The following PIAS1 variants were observed in gnomAD, a reference collection of about 807,000 sequenced individuals.
PIAS1 encodes protein inhibitor of activated STAT 1.
In PIAS1, 6 loss-of-function variants were observed where a neutral mutation model predicts 71.3. The ratio of observed to expected loss-of-function variants is 0.08; its 90% CI spans 0.05 to 0.17. PIAS1 has a LOEUF of 0.17. Ranked by LOEUF, PIAS1 falls within the 10% of genes least tolerant of loss-of-function variation. The pLI, the probability that PIAS1 is intolerant of heterozygous loss-of-function variation, is 1.00. For missense variants in PIAS1, 555 were observed against 793.6 expected (o/e 0.70, Z 3.61); for synonymous variants, 303 against 292.9 (o/e 1.03, Z -0.35).
chr15:68,187,104 TATA>T lies in PIAS1; in HGVS notation c.1663-433_1663-431del, dbSNP rs2093092985. On this transcript the variant is annotated intron_variant, in intron 13 of 13. Transcript: ENST00000249636. The surrounding 1 kb of genome is among the most constrained non-coding windows in gnomAD (Gnocchi z 5.3). Reference sequence around the variant, plus strand: ...TCTAACTTTCAGTGGTGCCTGAGTGTATAATAAGAACAGTGTCTGTTGGTTTCC... The same window carrying T: ...TCTAACTTTCAGTGGTGCCTGAGTGTATAAGAACAGTGTCTGTTGGTTTCC... Among the ~76,000 whole-genome samples the T allele has an allele frequency of 6.6e-6, 1 of 152,218 alleles. No individual in the cohort carries two copies. Among genetic ancestry groups the T allele is most frequent in the African/African-American group, 2.4e-5 (1 of 41,442 alleles).
At chr15:68,078,105 CA>C (rs1400519685) in intron 1 of PIAS1, among the ~76,000 whole-genome samples, 2 of 152,300 alleles carry the variant, frequency 1.3e-5, no homozygotes, top group East Asian at 3.9e-4. Context: ...AAAGAATAAT[CA>C]TCTTTTAGAA....
intron 2 of PIAS1, among the ~76,000 whole-genome samples, chr15:68,137,586 A>G (rs1250452643): frequency 6.6e-6 from 1 of 152,030 alleles, no homozygotes; most frequent in African/African-American, 2.4e-5. Context: ...ATGTTATGAG[A>G]GGAACACGGA....
At position 68,086,444 on chromosome 15, in the gene PIAS1, A is replaced by T; in HGVS notation, c.163A>T (p.Met55Leu). The T allele has an allele frequency of 6.2e-7, 1 of 1,613,962 alleles. No individual in the cohort carries two copies. Among genetic ancestry groups the T allele is most frequent in the Middle Eastern group, 1.6e-4 (1 of 6,062 alleles). Residue 55 changes from methionine to leucine, a missense_variant, in exon 2 of 14, where the codon ATG becomes TTG. By Grantham distance (15) the Met-to-Leu change is conservative. Coordinates refer to ENST00000249636, the MANE Select transcript of PIAS1 (RefSeq NM_016166.3). The surrounding 1 kb of genome is among the most constrained non-coding windows in gnomAD (Gnocchi z 7.2). ...GGCTGGCTGTAGTCCTGCTGTGCAA[A>T]TGAAAATTAAGGAACTCTATAGGCG... ...LKAGCSPAVQ[M>L]KIKELYRRRF...
intron 1 of PIAS1, among the ~76,000 whole-genome samples, chr15:68,073,318 G>A (rs1567028362): frequency 6.6e-6 from 1 of 151,908 alleles, no homozygotes; most frequent in Non-Finnish European, 1.5e-5. Flanking sequence ...TGCCCGGCGA[G>A]GTTATATGTG....
intron 1 of PIAS1, among the ~76,000 whole-genome samples, chr15:68,082,616 A>G (rs773119158): frequency 3.3e-5 from 5 of 152,190 alleles, no homozygotes; most frequent in Non-Finnish European, 7.4e-5. Context: ...ATTTACAGCC[A>G]TAGTAATAAT....
intron 2 of PIAS1, among the ~76,000 whole-genome samples, chr15:68,113,268 T>G (rs1373303457): frequency 6.6e-6 from 1 of 152,134 alleles, no homozygotes; most frequent in Non-Finnish European, 1.5e-5. Context: ...TACCAAAATG[T>G]TTTTCAGCTG....
intron 1 of PIAS1, among the ~76,000 whole-genome samples, chr15:68,078,631 A>G (rs1465445481): frequency 6.6e-6 from 1 of 152,000 alleles, no homozygotes; most frequent in African/African-American, 2.4e-5. Flanking sequence ...TTAGTTATGA[A>G]CTCTGGAATC....
rs142875655 is a variant in PIAS1, at chr15:68,119,621, A to G, written c.470-22325A>G. Among the ~76,000 whole-genome samples the G allele has an allele frequency of 2.7e-4, 41 of 152,298 alleles. 1 individual carries two copies. The East Asian group carries it at 3.3e-3, about 12-fold the overall frequency. Reference sequence around the variant, plus strand: ...CTATCTTGGTAAATGTTCTGTGTGCATTTGAAAAAATACACATTCTGCTGT... The same window carrying G: ...CTATCTTGGTAAATGTTCTGTGTGCGTTTGAAAAAATACACATTCTGCTGT... On this transcript the variant is annotated intron_variant, in intron 2 of 13. Coordinates refer to ENST00000249636, the MANE Select transcript of PIAS1 (RefSeq NM_016166.3).
intron 7 of PIAS1, among the ~76,000 whole-genome samples, chr15:68,157,739 C>G (rs181041308): frequency 4.6e-3 from 704 of 152,106 alleles, no homozygotes; most frequent in Non-Finnish European, 7.4e-3. Flanking sequence ...TTCTACGCAC[C>G]CTTATGGTTT....
At chr15:68,179,064 A>G (rs933502040) in intron 11 of PIAS1, among the ~76,000 whole-genome samples, 1 of 152,264 alleles carries the variant, frequency 6.6e-6, no homozygotes, top group African/African-American at 2.4e-5. Flanking sequence ...TAGAAGGAGA[A>G]TAACACACCA....
intron 4 of PIAS1, among the ~76,000 whole-genome samples, chr15:68,143,385 A>G (rs2092785748): frequency 6.6e-6 from 1 of 152,136 alleles, no homozygotes; most frequent in Non-Finnish European, 1.5e-5. Context: ...GCTTTGAAAT[A>G]ATAAGGTAAA....
intron 13 of PIAS1, 22 bp downstream of exon 13, chr15:68,183,689 ATTATT>A (rs746147940): frequency 1.1e-5 from 10 of 904,066 alleles, no homozygotes; most frequent in Non-Finnish European, 1.7e-5. Context: ...AAAATTTACT[ATTATT>A]TTAATTGTAC....
intron 8 of PIAS1, 60 bp downstream of exon 8, chr15:68,164,864 A>G: frequency 1.1e-6 from 1 of 894,950 alleles, no homozygotes; most frequent in Non-Finnish European, 1.8e-6. Context: ...TCTTTTTATT[A>G]AGTATTTTTA....
In PIAS1 at chr15:68,054,414, G is replaced by C. The variant is rs1007373947; in HGVS notation, c.24+64G>C. The stretch of plus-strand genomic sequence containing the variant: ...CGGAGACGGCGCCGCTGCTGCCAGG[G>C]GGGATGGGTCCGACCCTGGGGGGCC... On this transcript the variant is annotated intron_variant, in intron 1 of 13. Coordinates refer to ENST00000249636, the MANE Select transcript of PIAS1 (RefSeq NM_016166.3). The surrounding 1 kb of genome is among the most constrained non-coding windows in gnomAD (Gnocchi z 4.6). 11 of 1,527,642 alleles carry C rather than the reference G, an allele frequency of 7.2e-6. No individual in the cohort carries two copies. Among genetic ancestry groups the C allele is most frequent in the African/African-American group, 1.4e-5 (1 of 72,254 alleles). 94.6% of individuals were successfully genotyped at this position (1,527,642 alleles called of 1,614,324 possible).
Position 68,178,352 on chromosome 15 carries a change from A to G in PIAS1, c.1481+1698A>G, listed in dbSNP as rs576792535. On this transcript the variant is annotated intron_variant, in intron 11 of 13. Transcript: ENST00000249636. This position sits in a 1 kb window ranked among gnomAD's most constrained non-coding sequence, Gnocchi z 4.2. ...AGTCCATCTTGGCATACAGACAGAA[A>G]CAAAGACATTAAAAACAGTATCATC... 6.6e-6 allele frequency among the ~76,000 whole-genome samples: 1 copy of G among 152,368 alleles called. No homozygotes were observed. The highest frequency in any genetic ancestry group is 6.5e-5 in the Admixed American group (1 of 15,304).
At chr15:68,071,306 G>A (rs2046788) in intron 1 of PIAS1, among the ~76,000 whole-genome samples, 59,346 of 135,756 alleles carry the variant, frequency 0.44, 13,940 homozygotes, top group East Asian at 0.8. Flanking sequence ...TCACTCTGTC[G>A]CCCAGGTTTA....
chr15:68,158,974 G>A (rs564694694), intron 7 of PIAS1, among the ~76,000 whole-genome samples: 18 of 152,264 alleles, frequency 1.2e-4, no homozygotes, highest in East Asian at 3.9e-4. Flanking sequence ...TAAATACAGC[G>A]TCATGTGAGT....
chr15:68,098,324 TAAGGA>T (rs1049821698), intron 2 of PIAS1, among the ~76,000 whole-genome samples: 1 of 152,170 alleles, frequency 6.6e-6, no homozygotes, highest in African/African-American at 2.4e-5. Flanking sequence ...AAGAAAATCA[TAAGGA>T]AAGAAAATAT....
intron 2 of PIAS1, among the ~76,000 whole-genome samples, chr15:68,089,506 C>T (rs2092315400): frequency 6.6e-6 from 1 of 152,126 alleles, no homozygotes; most frequent in Non-Finnish European, 1.5e-5. Flanking sequence ...CATTTCTTCC[C>T]CAGCCAGAAT....
Sources: allele counts gnomAD v4.1 joint callset (sites outside exome capture counted in the v4.1 genomes callset), GRCh38; gene constraint gnomAD v4.1.1; non-coding constraint Gnocchi (gnomAD v3.1); transcripts MANE v1.5; gene names NCBI Gene and HGNC (gene_info 2026-07-23, HGNC 2026-07-21).